Variants in RIPOR2 observed in about 807,000 individuals in gnomAD.
The protein encoded by RIPOR2 is RHO family interacting cell polarization regulator 2, also known as rho family-interacting cell polarization regulator 2.
RIPOR2 carries 39 observed loss-of-function variants against 114.5 expected under a neutral mutation model. The observed-to-expected ratio is 0.34, with a 90% CI of 0.26 to 0.44. RIPOR2 has a LOEUF of 0.44. Among genes scored for constraint, RIPOR2 ranks in the 20% least tolerant of loss-of-function variants. The probability of loss-of-function intolerance (pLI) is 1.00; values close to 1 mark genes in which losing one functional copy is unlikely to be tolerated. For missense variants in RIPOR2, 1,007 were observed against 1,255.1 expected (o/e 0.80, Z 2.99); for synonymous variants, 445 against 484.4 (o/e 0.92, Z 1.07).
Position 24,873,733 on chromosome 6 carries a change from G to T in RIPOR2, c.255C>A (p.His85Gln). 11 of 1,613,444 alleles carry T rather than the reference G, an allele frequency of 6.8e-6. No homozygotes were observed. The highest frequency in any genetic ancestry group is 8.5e-6 in the Non-Finnish European group (10 of 1,179,630). The change falls in exon 3 of 22, where the codon CAC becomes CAA. Residue 85 changes from histidine to glutamine, a missense_variant. By Grantham distance (24) the His-to-Gln change is conservative. Coordinates refer to ENST00000643898, the MANE Select transcript of RIPOR2 (RefSeq NM_001286445.3). ...GATTGTTGTTTTTGTGGCCTAAATT[G>T]TGCATTTTCTTCAGTTTGGCCTGAG... ...KKPQAKLKKM[H>Q]NLGHKNNNPP...
chr6:24,976,914 G>A (rs558579724), intron 1 of RIPOR2: 33 of 1,599,400 alleles, frequency 2.1e-5, no homozygotes, highest in African/African-American at 1.2e-4. Context: ...GCCATGGAGC[G>A]CTTTGGGTCC....
At chr6:24,872,347 G>C (rs939906743) in intron 4 of RIPOR2, among the ~76,000 whole-genome samples, 1 of 152,060 alleles carries the variant, frequency 6.6e-6, no homozygotes, top group Non-Finnish European at 1.5e-5. Flanking sequence ...TGGAGTAAAA[G>C]TTCTAGATTC....
At chr6:24,994,549 A>G (rs907524993) in intron 1 of RIPOR2, among the ~76,000 whole-genome samples, 1 of 152,004 alleles carries the variant, frequency 6.6e-6, no homozygotes, top group African/African-American at 2.4e-5. Flanking sequence ...CCCACTTTCG[A>G]TTTTTCTACC....
upstream of RIPOR2, among the ~76,000 whole-genome samples, chr6:24,938,223 A>T (rs912529297): frequency 1.3e-5 from 2 of 152,192 alleles, no homozygotes; most frequent in Non-Finnish European, 2.9e-5. Flanking sequence ...TTAGACAAAG[A>T]CATAGACATA....
intron 18 of RIPOR2, among the ~76,000 whole-genome samples, chr6:24,827,178 A>G (rs1330943573): frequency 6.6e-6 from 1 of 152,184 alleles, no homozygotes; most frequent in Non-Finnish European, 1.5e-5. Flanking sequence ...TGGTCCTAAA[A>G]CAAGGTCTTT....
intron 1 of RIPOR2, among the ~76,000 whole-genome samples, chr6:25,039,744 C>G (rs1454777067): frequency 6.6e-6 from 1 of 152,060 alleles, no homozygotes; most frequent in African/African-American, 2.4e-5. Context: ...CTTAGGATCA[C>G]AACTAATTTC....
At chr6:24,914,850 T>A (rs1236405382) in intron 1 of RIPOR2, among the ~76,000 whole-genome samples, 1 of 152,222 alleles carries the variant, frequency 6.6e-6, no homozygotes, top group Non-Finnish European at 1.5e-5. Flanking sequence ...AGACCATGCC[T>A]GAAGAACCAC....
chr6:24,990,245 A>C (rs1049645171), intron 1 of RIPOR2, among the ~76,000 whole-genome samples: 2 of 152,248 alleles, frequency 1.3e-5, no homozygotes, highest in Non-Finnish European at 2.9e-5. Context: ...CTGAAAAGAT[A>C]AAGGTCTTAG....
chr6:25,028,229 T>C (rs1266258304), intron 1 of RIPOR2, among the ~76,000 whole-genome samples: 2 of 152,176 alleles, frequency 1.3e-5, no homozygotes, highest in African/African-American at 4.8e-5. Flanking sequence ...TCGCCAGCCC[T>C]TGTTCTGCCT....
At chr6:24,903,274 G>A (rs550927872) in intron 1 of RIPOR2, among the ~76,000 whole-genome samples, 1 of 152,332 alleles carries the variant, frequency 6.6e-6, no homozygotes, top group Admixed American at 6.5e-5. Context: ...TAAGGTAGAA[G>A]TTGAATGATC....
chr6:24,921,724 T>G (rs973655497), intron 1 of RIPOR2, among the ~76,000 whole-genome samples: 3 of 150,962 alleles, frequency 2.0e-5, no homozygotes, highest in African/African-American at 7.3e-5. Context: ...GCAATATAAC[T>G]TCACAAGGCT....
At chr6:25,034,849 C>A (rs889468831) in intron 1 of RIPOR2, among the ~76,000 whole-genome samples, 1 of 152,194 alleles carries the variant, frequency 6.6e-6, no homozygotes, top group Non-Finnish European at 1.5e-5. Flanking sequence ...AACCAACGGA[C>A]CTCCCTGAAT....
intron 18 of RIPOR2, among the ~76,000 whole-genome samples, chr6:24,826,901 A>G (rs987784943): frequency 1.3e-5 from 2 of 149,166 alleles, no homozygotes; most frequent in South Asian, 4.2e-4. Context: ...CTCTGTTTAC[A>G]TTTTTTTTTT....
At chr6:24,972,729 G>A (rs1773840809) in intron 1 of RIPOR2, among the ~76,000 whole-genome samples, 1 of 152,184 alleles carries the variant, frequency 6.6e-6, no homozygotes, top group Non-Finnish European at 1.5e-5. Flanking sequence ...GCCTTGGGAG[G>A]TAATAAATTC....
intron 1 of RIPOR2, among the ~76,000 whole-genome samples, chr6:25,010,329 C>G (rs1394501759): frequency 6.6e-6 from 1 of 152,094 alleles, no homozygotes; most frequent in Non-Finnish European, 1.5e-5. Flanking sequence ...TCCCCCTTTC[C>G]TCCTCTGTCA....
At chr6:24,905,838 C>G (rs966376886) in intron 1 of RIPOR2, among the ~76,000 whole-genome samples, 1 of 152,202 alleles carries the variant, frequency 6.6e-6, no homozygotes, top group Non-Finnish European at 1.5e-5. Flanking sequence ...CCTGCCCTTG[C>G]CTTCCTTCCA....
In RIPOR2 at chr6:24,944,393, T is replaced by A. The variant is rs186947087; in HGVS notation, c.77-68576A>T. 1.1e-4 allele frequency among the ~76,000 whole-genome samples: 16 copies of A among 152,210 alleles called. 1 individual carries two copies. The highest frequency in any genetic ancestry group is 1.3e-4 in the Non-Finnish European group (9 of 68,008). ...CCACTAAGCTAATCAAGCAGAGATT[T>A]CAGTGGCCACACATGACAAACAATA... On this transcript the variant is annotated intron_variant, in intron 1 of 13. Transcript: ENST00000510784.
intron 1 of RIPOR2, among the ~76,000 whole-genome samples, chr6:24,951,886 A>T (rs1463422816): frequency 6.6e-6 from 1 of 152,212 alleles, no homozygotes; most frequent in Admixed American, 6.5e-5. Context: ...TGTGGTAAAG[A>T]CTACCTTGCC....
chr6:24,949,276 G>A (rs1772622508), intron 1 of RIPOR2, among the ~76,000 whole-genome samples: 1 of 152,162 alleles, frequency 6.6e-6, no homozygotes, highest in African/African-American at 2.4e-5. Context: ...AGGGAGGGGA[G>A]CAGAAAGCCG....
Sources: gnomAD v4.1 joint callset for allele counts (sites outside exome capture counted in the v4.1 genomes callset) on GRCh38, gnomAD v4.1.1 for gene constraint, MANE v1.5 for transcripts, NCBI Gene and HGNC (gene_info 2026-07-23, HGNC 2026-07-21) for gene names.